USH1C: variants seen among roughly 807,000 people sequenced by gnomAD.
USH1C encodes the protein USH1 protein network component harmonin.
USH1C carries 90 observed loss-of-function variants against 119.3 expected under a neutral mutation model. The observed-to-expected ratio is 0.75, with a 90% CI of 0.64 to 0.90. The LOEUF (loss-of-function observed/expected upper bound fraction) is 0.90, where lower values mean the gene tolerates loss of function less well. Among genes scored for constraint, USH1C ranks in the 40% least tolerant of loss-of-function variants. The probability of loss-of-function intolerance (pLI) is 0.00; values close to 1 mark genes in which losing one functional copy is unlikely to be tolerated. For missense variants in USH1C, 1,165 were observed against 1,167.7 expected, an observed-to-expected ratio of 1.00 and a Z score of 0.03; for synonymous variants, 465 against 443.3, an observed-to-expected ratio of 1.05 and a Z score of -0.62.
chr11:17,533,788 G>A (rs921839978), intron 1 of USH1C: 2 of 457,496 alleles, frequency 4.4e-6, no homozygotes, highest in Non-Finnish European at 8.8e-6. Context: ...GATAGCACAT[G>A]CCACTCTCCA....
chr11:17,523,875 C>T (rs1850540057), intron 9 of USH1C, among the ~76,000 whole-genome samples: 1 of 152,206 alleles, frequency 6.6e-6, no homozygotes, highest in Admixed American at 6.5e-5. Context: ...GTGCTTGGCA[C>T]AGCTCTAGTA....
intron 14 of USH1C, among the ~76,000 whole-genome samples, chr11:17,520,244 G>A (rs1261594834): frequency 6.6e-6 from 1 of 152,174 alleles, no homozygotes; most frequent in African/African-American, 2.4e-5. Flanking sequence ...AGGTGAGGAT[G>A]TGGGACGGAT....
chr11:17,528,131 A>G (rs983547473), intron 4 of USH1C, among the ~76,000 whole-genome samples: 1 of 152,242 alleles, frequency 6.6e-6, no homozygotes, highest in Non-Finnish European at 1.5e-5. Context: ...TTGTGCATGT[A>G]AAGACAGCTA....
chr11:17,541,085 T>C (rs1851447042), intron 1 of USH1C, among the ~76,000 whole-genome samples: 1 of 152,180 alleles, frequency 6.6e-6, no homozygotes, highest in African/African-American at 2.4e-5. Context: ...CTCTTCTACA[T>C]GTATCTCTGT....
intron 14 of USH1C, among the ~76,000 whole-genome samples, chr11:17,519,979 G>A (rs1028006413): frequency 1.1e-4 from 17 of 152,202 alleles, no homozygotes; most frequent in African/African-American, 3.9e-4. Context: ...GGGCTCTTGA[G>A]TCCAGAATAG....
chr11:17,532,459 G>A (rs1333071643), intron 2 of USH1C, among the ~76,000 whole-genome samples: 8 of 151,860 alleles, frequency 5.3e-5, no homozygotes, highest in African/African-American at 1.2e-4. Context: ...CACCATACCC[G>A]GCTAATTTTT....
intron 7 of USH1C, 98 bp downstream of exon 7, chr11:17,526,655 G>A: frequency 7.2e-7 from 1 of 1,385,666 alleles, no homozygotes; most frequent in East Asian, 2.3e-5. Context: ...TGAAGCCCCT[G>A]AGGGTGCATC....
At chr11:17,515,398 C>G (rs961577426) in intron 15 of USH1C, among the ~76,000 whole-genome samples, 9 of 152,188 alleles carry the variant, frequency 5.9e-5, no homozygotes, top group Admixed American at 4.6e-4. Context: ...TTTCCTGGCA[C>G]AGTTAATATT....
Position 17,537,022 on chromosome 11 carries a change from C to A in USH1C, c.37-3700G>T, listed in dbSNP as rs548210732. On this transcript the variant is annotated intron_variant, in intron 1 of 26. Transcript: ENST00000005226. ...GAACAGCACTGCTTTGTTCTCTGAC[C>A]ACACCTGAGTGAAAACACACACTCA... Among the ~76,000 whole-genome samples the A allele has an allele frequency of 1.9e-3, 291 of 152,262 alleles. 2 individuals are homozygous for A. The highest frequency in any genetic ancestry group is 6.8e-3 in the African/African-American group (282 of 41,540).
intron 1 of USH1C, among the ~76,000 whole-genome samples, chr11:17,534,199 T>A (rs1019141829): frequency 6.6e-6 from 1 of 152,220 alleles, no homozygotes; most frequent in Non-Finnish European, 1.5e-5. Flanking sequence ...GCCCAGGGCC[T>A]CAGCCCTTCA....
intron 21 of USH1C, 124 bp from the exon 22 acceptor site, chr11:17,501,659 A>C: frequency 5.9e-6 from 7 of 1,178,394 alleles, no homozygotes; most frequent in Non-Finnish European, 7.4e-6. Context: ...GGGCAAGGGG[A>C]CCGTGCCCAG....
chr11:17,513,702 A>T (rs1011910555), intron 15 of USH1C, among the ~76,000 whole-genome samples: 1 of 152,160 alleles, frequency 6.6e-6, no homozygotes, highest in Non-Finnish European at 1.5e-5. Flanking sequence ...CGTAGTAGAG[A>T]TTCAGACAGC....
At position 17,494,362 on chromosome 11, in the gene USH1C, C is replaced by T. The variant is rs780519746; in HGVS notation, c.2670G>A (p.Lys890=). ...LQLEPTDLLL[K]SKRGNQIHR Reference sequence around the variant, plus strand: ...GGTGAATTTGGTTTCCCCTTTTGGACTTCAGAAGAAGGTCCTGCAGGGAAG... The same window carrying T: ...GGTGAATTTGGTTTCCCCTTTTGGATTTCAGAAGAAGGTCCTGCAGGGAAG... Residue 890 remains lysine, a synonymous_variant, in exon 27 of 27, where the codon AAG becomes AAA. Coordinates refer to ENST00000005226, the MANE Select transcript of USH1C (RefSeq NM_153676.4). 24 of 1,603,882 alleles carry T rather than the reference C, an allele frequency of 1.5e-5. No individual in the cohort carries two copies. Among genetic ancestry groups the T allele is most frequent in the Non-Finnish European group, 2.0e-5 (24 of 1,174,870 alleles).
intron 4 of USH1C, among the ~76,000 whole-genome samples, chr11:17,530,019 T>C (rs1165642142): frequency 6.6e-6 from 1 of 152,176 alleles, no homozygotes; most frequent in African/African-American, 2.4e-5. Context: ...AAAGAAATAA[T>C]GAAGGGGCTG....
intron 4 of USH1C, among the ~76,000 whole-genome samples, chr11:17,530,121 G>A (rs1850892428): frequency 6.6e-6 from 1 of 152,196 alleles, no homozygotes; most frequent in Non-Finnish European, 1.5e-5. Flanking sequence ...ACGCCACAGT[G>A]TCTTGTACCA....
intron 15 of USH1C, among the ~76,000 whole-genome samples, chr11:17,513,346 C>CT (rs1565038463): frequency 6.6e-6 from 1 of 152,138 alleles, no homozygotes; most frequent in African/African-American, 2.4e-5. Flanking sequence ...ACCCCCGCCC[C>CT]CAACAAGCCT....
chr11:17,496,617 C>T, intron 25 of USH1C, 141 bp downstream of exon 25: 1 of 1,067,830 alleles, frequency 9.4e-7, no homozygotes, highest in Non-Finnish European at 1.4e-6. Flanking sequence ...CAGGAGTTTT[C>T]TAGGAGCTCT....
At chr11:17,517,135 G>A (rs984552519) in intron 14 of USH1C, among the ~76,000 whole-genome samples, 1 of 152,154 alleles carries the variant, frequency 6.6e-6, no homozygotes, top group African/African-American at 2.4e-5. Flanking sequence ...CAGCAGAGGG[G>A]GAATTTGGCA....
At chr11:17,496,501 G>C (rs764089717) in intron 25 of USH1C, among the ~76,000 whole-genome samples, 1 of 152,148 alleles carries the variant, frequency 6.6e-6, no homozygotes, top group Non-Finnish European at 1.5e-5. Context: ...CTGCTTACCC[G>C]GTCTAAGACC....
Sources: allele counts gnomAD v4.1 joint callset (sites outside exome capture counted in the v4.1 genomes callset), GRCh38; gene constraint gnomAD v4.1.1; transcripts MANE v1.5; gene names NCBI Gene and HGNC (gene_info 2026-07-23, HGNC 2026-07-21).